The following UBXN2A variants were observed in gnomAD, a reference collection of about 807,000 sequenced individuals.
The protein encoded by UBXN2A is UBX domain protein 2A.
UBXN2A carries 28 observed loss-of-function variants against 28.4 expected under a neutral mutation model. The observed-to-expected ratio is 0.99, with a 90% confidence interval of 0.73 to 1.35. The LOEUF (loss-of-function observed/expected upper bound fraction) is 1.35, where lower values mean the gene tolerates loss of function less well. Ranked by LOEUF, UBXN2A falls within the 40% of genes most tolerant of loss-of-function variation. The pLI is 0.00. For synonymous variants in UBXN2A, 97 were observed against 103.6 expected (o/e 0.94, Z 0.39); for missense variants, 253 against 297.9 (o/e 0.85, Z 1.11).
At position 24,002,153 on chromosome 2, in the gene UBXN2A, C is replaced by T. The variant is rs1708735413; in HGVS notation, c.*2286C>T. Reference sequence around the variant, plus strand: ...AGTGCAGTAGCTCACACCTGTAATCCCAGCACTTTGGGACACTAAAGCGGG... The same window carrying T: ...AGTGCAGTAGCTCACACCTGTAATCTCAGCACTTTGGGACACTAAAGCGGG... On this transcript the variant is annotated 3_prime_UTR_variant, in exon 7 of 7. Transcript: ENST00000309033. 6.6e-6 allele frequency: 1 copy of T among 151,976 alleles called. No individual in the cohort carries two copies. The highest frequency in any genetic ancestry group is 2.4e-5 in the African/African-American group (1 of 41,362). The allele number at this position is 151,976 out of a possible 1,614,324, so 9.4% of individuals were successfully genotyped here.
chr2:23,949,997 A>G (rs1269685969), intron 1 of UBXN2A, among the ~76,000 whole-genome samples: 15 of 147,102 alleles, frequency 1.0e-4, no homozygotes, highest in African/African-American at 3.9e-4. Context: ...ATTTCTCATC[A>G]TCCCCCCACC....
intron 6 of UBXN2A, 60 bp from the exon 7 acceptor site, chr2:23,999,612 T>G: frequency 6.6e-7 from 1 of 1,518,616 alleles, no homozygotes; most frequent in Non-Finnish European, 9.0e-7. Context: ...TTGTTGTTAC[T>G]ATAAATTAGG....
chr2:23,957,726 C>G (rs1198434537), intron 1 of UBXN2A, among the ~76,000 whole-genome samples: 5 of 152,046 alleles, frequency 3.3e-5, no homozygotes, highest in Non-Finnish European at 7.4e-5. Flanking sequence ...CCCAGCTACT[C>G]GGGAGGCTGA....
intron 2 of UBXN2A, among the ~76,000 whole-genome samples, chr2:23,965,235 C>T (rs1224847883): frequency 3.3e-5 from 5 of 152,144 alleles, no homozygotes; most frequent in Admixed American, 6.6e-5. Context: ...TGGATTAGCT[C>T]GGACTTCCAG....
rs74768880 is a variant in UBXN2A at position 23,967,490 on chromosome 2, A to G, written c.42-3786A>G. On this transcript the variant is annotated intron_variant, in intron 2 of 6. Transcript: ENST00000309033. Reference sequence around the variant, plus strand: ...TGTATACTGATACTTACTATATACCATGTTTAGGCTTTTATATATATTTTC... The same window carrying G: ...TGTATACTGATACTTACTATATACCGTGTTTAGGCTTTTATATATATTTTC... Among the ~76,000 whole-genome samples the G allele has an allele frequency of 2.2e-4, 33 of 152,316 alleles. 1 individual carries two copies. The East Asian group carries it at 6.4e-3, about 29-fold the overall frequency.
chr2:23,971,420 T>C lies in UBXN2A; in HGVS notation c.180+6T>C. 2 of 1,530,304 alleles carry C rather than the reference T, an allele frequency of 1.3e-6. No homozygotes were observed. The highest frequency in any genetic ancestry group is 1.8e-6 in the Non-Finnish European group (2 of 1,128,316). 94.8% of individuals were successfully genotyped at this position (1,530,304 alleles called of 1,614,324 possible). On this transcript the variant is annotated splice_donor_region_variant and intron_variant, in intron 3 of 6. Coordinates refer to ENST00000309033, the MANE Select transcript of UBXN2A (RefSeq NM_181713.4). ...CCGCTGAACAGAAGAAACAGGTAAATAAATGTCTATTACTTTTCTTTTTCT... is the reference window on the plus strand; with the variant it reads ...CCGCTGAACAGAAGAAACAGGTAAACAAATGTCTATTACTTTTCTTTTTCT...
intron 4 of UBXN2A, among the ~76,000 whole-genome samples, chr2:23,977,847 C>T (rs1707738997): frequency 6.6e-6 from 1 of 150,674 alleles, no homozygotes; most frequent in African/African-American, 2.4e-5. Context: ...TTTTTTTTTT[C>T]CCGAGATGGA....
In UBXN2A at chr2:24,001,437, A is replaced by G. The variant is rs983117453; in HGVS notation, c.*1570A>G. 2.6e-5 allele frequency: 4 copies of G among 152,182 alleles called. No individual in the cohort carries two copies. The highest frequency in any genetic ancestry group is 2.0e-4 in the Admixed American group (3 of 15,270). The allele number at this position is 152,182 out of a possible 1,614,324, so 9.4% of individuals were successfully genotyped here. A position where few individuals can be genotyped will look rare whatever the true frequency, so the allele number is the denominator to read the frequency against. Reference sequence around the variant, plus strand: ...TTTTTCACTGTCAGATTAAATCCCCATACCTGAAAATAAGTTTAACATTTT... The same window carrying G: ...TTTTTCACTGTCAGATTAAATCCCCGTACCTGAAAATAAGTTTAACATTTT... On this transcript the variant is annotated 3_prime_UTR_variant, in exon 7 of 7. Coordinates refer to ENST00000309033, the MANE Select transcript of UBXN2A (RefSeq NM_181713.4).
intron 6 of UBXN2A, among the ~76,000 whole-genome samples, chr2:23,997,374 C>A (rs1708580003): frequency 6.6e-6 from 1 of 152,168 alleles, no homozygotes; most frequent in Non-Finnish European, 1.5e-5. Flanking sequence ...GATAAAATAG[C>A]AATTTACATA....
At position 23,948,929 on chromosome 2, in the gene UBXN2A, A is replaced by G. The variant is rs903633409; in HGVS notation, c.-15+8281A>G. Among the ~76,000 whole-genome samples, 5 of 151,276 alleles carry G rather than the reference A, an allele frequency of 3.3e-5. 2 individuals are homozygous for G. In the Admixed American group the frequency reaches 3.3e-4, roughly 10 times the overall value. ...GGAAACTCAGTGAAATCCTTTAAGT[A>G]AGACTTCTCTTGTAGCTTTTTTTTT... On this transcript the variant is annotated intron_variant, in intron 1 of 6. Transcript: ENST00000309033.
chr2:23,974,083 C>T (rs1243994576), intron 3 of UBXN2A, among the ~76,000 whole-genome samples: 2 of 144,560 alleles, frequency 1.4e-5, no homozygotes, highest in African/African-American at 2.6e-5. Context: ...GGTGCGATCT[C>T]GGCTCACTGC....
intron 2 of UBXN2A, among the ~76,000 whole-genome samples, chr2:23,960,451 T>A (rs1430249752): frequency 6.6e-6 from 1 of 152,210 alleles, no homozygotes; most frequent in Non-Finnish European, 1.5e-5. Flanking sequence ...TATTGAAATA[T>A]AATTCACATA....
intron 6 of UBXN2A, among the ~76,000 whole-genome samples, chr2:23,994,757 C>T (rs558998740): frequency 5.3e-5 from 8 of 152,300 alleles, no homozygotes; most frequent in African/African-American, 7.2e-5. Context: ...ACATTGTAGA[C>T]GTTTCAGATG....
chr2:23,984,677 A>G lies in UBXN2A; in HGVS notation c.430A>G (p.Thr144Ala). Reference protein sequence around the residue: ...SGQGHRLGSATPKIVSKAKNI... With the variant: ...SGQGHRLGSAAPKIVSKAKNI... ...TTGTTGTCTGGATTTCCTTAGTGCC[A>G]CACCAAAAATTGTTTCTAAAGCAAA... Residue 144 changes from threonine to alanine, a missense_variant, in exon 6 of 7, where the codon ACA becomes GCA. Coordinates refer to ENST00000309033, the MANE Select transcript of UBXN2A (RefSeq NM_181713.4). 3 of 1,518,672 alleles carry G rather than the reference A, an allele frequency of 2.0e-6. No individual in the cohort carries two copies. Among genetic ancestry groups the G allele is most frequent in the East Asian group, 5.0e-5 (2 of 40,284 alleles). 94.1% of individuals were successfully genotyped at this position (1,518,672 alleles called of 1,614,324 possible).
intron 1 of UBXN2A, among the ~76,000 whole-genome samples, chr2:23,957,624 T>A (rs954098778): frequency 6.6e-5 from 10 of 150,918 alleles, no homozygotes; most frequent in Admixed American, 4.6e-4. Flanking sequence ...CACCTGAGGT[T>A]GGGAGTTCGA....
intron 1 of UBXN2A, among the ~76,000 whole-genome samples, chr2:23,931,356 G>C (rs1471809336): frequency 6.6e-6 from 1 of 151,766 alleles, no homozygotes; most frequent in East Asian, 1.9e-4. Context: ...TAAGGCATGA[G>C]AATCACTTGA....
At chr2:23,975,329 T>G (rs1292500630) in intron 3 of UBXN2A, among the ~76,000 whole-genome samples, 1 of 152,196 alleles carries the variant, frequency 6.6e-6, no homozygotes. Context: ...TGAAGAAGTG[T>G]CAAAGAAGAT....
At chr2:23,944,308 T>C in intron 1 of UBXN2A, 1 of 1,604,944 alleles carries the variant, frequency 6.2e-7, no homozygotes, top group Non-Finnish European at 8.5e-7. Flanking sequence ...GGAGTGGTTG[T>C]CCTGGTTCTT....
rs370272783 is a variant in UBXN2A, at chr2:23,958,486, A to G, written c.41+131A>G. The G allele has an allele frequency of 1.7e-3, 1,295 of 764,710 alleles. 23 individuals carry two copies. In the South Asian group the frequency reaches 0.031, roughly 18 times the overall value. The allele number at this position is 764,710 out of a possible 1,614,324, so 47.4% of individuals were successfully genotyped here. A position where few individuals can be genotyped will look rare whatever the true frequency, so the allele number is the denominator to read the frequency against. ...TATGACTACTTCATTGTCATCTACT[A>G]TGTTGAAGTAATTTTTTTACCATAG... On this transcript the variant is annotated intron_variant, in intron 2 of 6. Coordinates refer to ENST00000309033, the MANE Select transcript of UBXN2A (RefSeq NM_181713.4).
Sources: gnomAD v4.1 joint callset for allele counts (sites outside exome capture counted in the v4.1 genomes callset) on GRCh38, gnomAD v4.1.1 for gene constraint, MANE v1.5 for transcripts, NCBI Gene and HGNC (gene_info 2026-07-23, HGNC 2026-07-21) for gene names.